The following BCAT1 variants were observed in gnomAD, a reference collection of about 807,000 sequenced individuals.
The protein encoded by BCAT1 is branched-chain-amino-acid aminotransferase, cytosolic.
A neutral mutation model predicts 52.4 loss-of-function variants in BCAT1; 48 were observed. The observed-to-expected ratio is 0.92, with a 90% CI of 0.73 to 1.16. The LOEUF is 1.16. Ranked by LOEUF, BCAT1 falls within the 50% of genes most tolerant of loss-of-function variation. The pLI, the probability that BCAT1 is intolerant of heterozygous loss-of-function variation, is 0.00. For missense variants in BCAT1, 451 were observed against 457.1 expected, an observed-to-expected ratio of 0.99 and a Z score of 0.12; for synonymous variants, 167 against 161.3, an observed-to-expected ratio of 1.04 and a Z score of -0.27.
chr12:24,817,204 A>C lies in BCAT1; in HGVS notation c.*804T>G, dbSNP rs1282419445. On this transcript the variant is annotated 3_prime_UTR_variant, in exon 11 of 11. Transcript: ENST00000261192. ...GTCAGAATCAATCACAAATTCTAAT[A>C]AAGAGGTTTCATAATATAGAAACAA... The C allele has an allele frequency of 6.6e-6, 1 of 152,260 alleles. No homozygotes were observed. Among genetic ancestry groups the C allele is most frequent in the African/African-American group, 2.4e-5 (1 of 41,462 alleles). The allele number at this position is 152,260 out of a possible 1,614,324, so 9.4% of individuals were successfully genotyped here.
chr12:24,844,426 C>T (rs902628496), intron 6 of BCAT1, among the ~76,000 whole-genome samples: 6 of 151,500 alleles, frequency 4.0e-5, no homozygotes, highest in Admixed American at 3.3e-4. Flanking sequence ...AGCAAAATTC[C>T]GTCTCAAAAA....
At chr12:24,905,964 G>A (rs1016560596) in intron 1 of BCAT1, among the ~76,000 whole-genome samples, 16 of 151,344 alleles carry the variant, frequency 1.1e-4, no homozygotes, top group African/African-American at 3.9e-4. Flanking sequence ...GAAACAGCCA[G>A]ATTTCAGCAA....
chr12:24,930,396 C>A (rs1943659894), intron 1 of BCAT1, among the ~76,000 whole-genome samples: 1 of 152,210 alleles, frequency 6.6e-6, no homozygotes, highest in Admixed American at 6.5e-5. Context: ...TTCATGACGT[C>A]TTTGCTCTAC....
chr12:24,880,326 G>T (rs7978338), intron 4 of BCAT1, among the ~76,000 whole-genome samples: 25 of 152,262 alleles, frequency 1.6e-4, no homozygotes, highest in African/African-American at 6.0e-4. Context: ...GCATGGCTGC[G>T]TGCACTTGTA....
chr12:24,835,595 A>ATTTATTT (rs879684901), intron 8 of BCAT1, among the ~76,000 whole-genome samples: 61 of 143,530 alleles, frequency 4.2e-4, no homozygotes, highest in African/African-American at 1.2e-3. Flanking sequence ...TTATTTATTT[A>ATTTATTT]ATTTACTTTT....
chr12:24,892,570 T>G (rs1368886794), intron 3 of BCAT1, among the ~76,000 whole-genome samples: 1 of 152,110 alleles, frequency 6.6e-6, no homozygotes, highest in Admixed American at 6.5e-5. Flanking sequence ...TAAAAGCACA[T>G]AGCCAGGAGC....
intron 10 of BCAT1, among the ~76,000 whole-genome samples, chr12:24,826,516 A>G (rs534490273): frequency 3.5e-4 from 54 of 152,260 alleles, no homozygotes; most frequent in African/African-American, 1.3e-3. Flanking sequence ...TTATATCAGT[A>G]CTATGCTGTT....
At chr12:24,898,094 T>C (rs927881829) in intron 2 of BCAT1, among the ~76,000 whole-genome samples, 2 of 152,172 alleles carry the variant, frequency 1.3e-5, no homozygotes, top group African/African-American at 2.4e-5. Flanking sequence ...AGATATGAAA[T>C]GTAGTTTTAA....
At chr12:24,878,001 A>G (rs1942393644) in intron 5 of BCAT1, among the ~76,000 whole-genome samples, 1 of 152,130 alleles carries the variant, frequency 6.6e-6, no homozygotes, top group Non-Finnish European at 1.5e-5. Context: ...AAAAAATTTA[A>G]AAATTAGCTA....
intron 3 of BCAT1, among the ~76,000 whole-genome samples, chr12:24,882,936 C>A (rs999326299): frequency 3.9e-5 from 6 of 152,184 alleles, no homozygotes; most frequent in Admixed American, 3.9e-4. Context: ...GGCAAGCTTC[C>A]ATTACTATTT....
chr12:24,823,594 G>A (rs1000169992), intron 10 of BCAT1, among the ~76,000 whole-genome samples: 1 of 152,150 alleles, frequency 6.6e-6, no homozygotes, highest in African/African-American at 2.4e-5. Context: ...TCAGGTAATT[G>A]CATCATGGGA....
chr12:24,938,885 T>C (rs1027381070), intron 1 of BCAT1, among the ~76,000 whole-genome samples: 5 of 152,018 alleles, frequency 3.3e-5, no homozygotes, highest in African/African-American at 1.2e-4. Flanking sequence ...TTTATTTATT[T>C]ATTCATTGAG....
chr12:24,941,364 T>C (rs1267183495), intron 1 of BCAT1, among the ~76,000 whole-genome samples: 2 of 152,242 alleles, frequency 1.3e-5, no homozygotes, highest in Non-Finnish European at 2.9e-5. Context: ...TGTTTGGCAA[T>C]AGGCATTAAG....
intron 1 of BCAT1, among the ~76,000 whole-genome samples, chr12:24,930,061 T>C (rs1943655476): frequency 6.6e-6 from 1 of 152,246 alleles, no homozygotes; most frequent in Non-Finnish European, 1.5e-5. Flanking sequence ...CATTTGTCTG[T>C]GACCATTATA....
intron 4 of BCAT1, among the ~76,000 whole-genome samples, chr12:24,879,324 A>G (rs1942431143): frequency 6.6e-6 from 1 of 152,226 alleles, no homozygotes; most frequent in Non-Finnish European, 1.5e-5. Flanking sequence ...GTCAATGAAG[A>G]GATAGATAAC....
chr12:24,886,121 A>T (rs1006270714), intron 3 of BCAT1, among the ~76,000 whole-genome samples: 1 of 152,234 alleles, frequency 6.6e-6, no homozygotes, highest in African/African-American at 2.4e-5. Flanking sequence ...AACCCAATAA[A>T]CATATGAAAA....
At chr12:24,946,133 C>T (rs1591898979) in intron 1 of BCAT1, among the ~76,000 whole-genome samples, 1 of 152,214 alleles carries the variant, frequency 6.6e-6, no homozygotes, top group African/African-American at 2.4e-5. Flanking sequence ...AATACAAAGG[C>T]TCAACATAGC....
chr12:24,815,312 T>G lies in BCAT1; in HGVS notation c.*2696A>C, dbSNP rs1432436962. ...TGTTTATATTAATGCACTTGTGAATTGCTGAATCTCATTTGATCAACCCAA... is the reference window on the plus strand; with the variant it reads ...TGTTTATATTAATGCACTTGTGAATGGCTGAATCTCATTTGATCAACCCAA... On this transcript the variant is annotated 3_prime_UTR_variant, in exon 11 of 11. Coordinates refer to ENST00000261192, the MANE Select transcript of BCAT1 (RefSeq NM_005504.7). 6.6e-6 allele frequency: 1 copy of G among 152,608 alleles called. No individual in the cohort carries two copies. The highest frequency in any genetic ancestry group is 1.9e-4 in the East Asian group (1 of 5,206). 9.5% of individuals were successfully genotyped at this position (152,608 alleles called of 1,614,324 possible). A position where few individuals can be genotyped will look rare whatever the true frequency, so the allele number is the denominator to read the frequency against.
At chr12:24,930,088 C>G (rs1475810070) in intron 1 of BCAT1, among the ~76,000 whole-genome samples, 1 of 152,184 alleles carries the variant, frequency 6.6e-6, no homozygotes, top group Non-Finnish European at 1.5e-5. Context: ...CACTGGGGGC[C>G]CTCTCCTATG....
Sources: gnomAD v4.1 joint callset for allele counts (sites outside exome capture counted in the v4.1 genomes callset) on GRCh38, gnomAD v4.1.1 for gene constraint, MANE v1.5 for transcripts, NCBI Gene and HGNC (gene_info 2026-07-23, HGNC 2026-07-21) for gene names.